The following DNAAF4 variants were observed in gnomAD, a reference collection of about 807,000 sequenced individuals.
DNAAF4 encodes the protein dynein axonemal assembly factor 4.
In DNAAF4, 43 loss-of-function variants were observed where a neutral mutation model predicts 51.8. The observed-to-expected ratio is 0.83, with a 90% CI of 0.65 to 1.07. DNAAF4 has a LOEUF of 1.07. DNAAF4 is among the 50% of genes least tolerant of loss of function. DNAAF4 has a pLI of 0.00. For synonymous variants in DNAAF4, 194 were observed against 165.6 expected (o/e 1.17, Z -1.32); for missense variants, 581 against 493.0 (o/e 1.18, Z -1.69).
chr15:55,461,447 C>G (rs1042272443), intron 5 of DNAAF4, among the ~76,000 whole-genome samples: 1 of 152,076 alleles, frequency 6.6e-6, no homozygotes, highest in African/African-American at 2.4e-5. Context: ...TCTCTAAGAC[C>G]ACAGTGGAAT....
At chr15:55,443,471 A>C (rs1185254425) in intron 6 of DNAAF4, 2 of 559,716 alleles carry the variant, frequency 3.6e-6, no homozygotes, top group African/African-American at 3.8e-5. Flanking sequence ...GGTTGGTTCC[A>C]AGTCTTTGCT....
chr15:55,481,361 G>C (rs561547790), intron 4 of DNAAF4, among the ~76,000 whole-genome samples: 1 of 152,268 alleles, frequency 6.6e-6, no homozygotes, highest in East Asian at 1.9e-4. Flanking sequence ...TGGGGCCCCT[G>C]GTCAAGGATA....
chr15:55,477,251 G>C (rs1445448035), intron 4 of DNAAF4, among the ~76,000 whole-genome samples: 1 of 152,064 alleles, frequency 6.6e-6, no homozygotes, highest in Non-Finnish European at 1.5e-5. Context: ...CCATGGAACT[G>C]TATACTTAAA....
chr15:55,434,035 AT>A (rs2057568511), intron 8 of DNAAF4, among the ~76,000 whole-genome samples: 1 of 101,398 alleles, frequency 9.9e-6, no homozygotes, highest in Non-Finnish European at 1.9e-5. Context: ...TATAATATAT[AT>A]TATATATATA....
intron 3 of DNAAF4, among the ~76,000 whole-genome samples, chr15:55,493,398 A>T (rs140509409): frequency 1.3e-5 from 2 of 152,344 alleles, no homozygotes; most frequent in African/African-American, 4.8e-5. Flanking sequence ...TTGGCTAAGA[A>T]CTAGTACTGA....
intron 7 of DNAAF4, among the ~76,000 whole-genome samples, chr15:55,424,755 G>T (rs1291157165): frequency 1.3e-5 from 2 of 152,028 alleles, no homozygotes; most frequent in Non-Finnish European, 2.9e-5. Flanking sequence ...TAGAGACAGG[G>T]TTTCACCATG....
chr15:55,498,976 G>A (rs1367173359), intron 1 of DNAAF4, among the ~76,000 whole-genome samples: 7 of 151,878 alleles, frequency 4.6e-5, no homozygotes, highest in African/African-American at 1.7e-4. Context: ...CTCATAATGC[G>A]ATAATGCTAA....
intron 4 of DNAAF4, among the ~76,000 whole-genome samples, chr15:55,482,502 C>G (rs896706923): frequency 6.6e-6 from 1 of 152,006 alleles, no homozygotes; most frequent in Admixed American, 6.6e-5. Context: ...CATGGCAAAA[C>G]CCCCTCTCTA....
intron 4 of DNAAF4, among the ~76,000 whole-genome samples, chr15:55,490,632 T>C (rs2058557698): frequency 2.0e-5 from 3 of 152,182 alleles, no homozygotes. Flanking sequence ...GTCCAACTTT[T>C]ACACCTTTGA....
chr15:55,466,801 A>T (rs963756340), intron 5 of DNAAF4, 129 bp downstream of exon 5: 1 of 1,099,694 alleles, frequency 9.1e-7, no homozygotes, highest in Non-Finnish European at 1.3e-6. Flanking sequence ...TAGTCTTTGT[A>T]CTGAATTGCT....
At chr15:55,491,968 T>C (rs1200018540) in intron 3 of DNAAF4, among the ~76,000 whole-genome samples, 1 of 151,370 alleles carries the variant, frequency 6.6e-6, no homozygotes, top group African/African-American at 2.4e-5. Flanking sequence ...GCAATCCTCC[T>C]ACCTCAGCTT....
intron 6 of DNAAF4, chr15:55,443,322 C>A (rs2057744229): frequency 9.6e-6 from 11 of 1,149,136 alleles, no homozygotes; most frequent in Non-Finnish European, 1.4e-5. Context: ...AAAGGGCCCC[C>A]AGCGTGCGGA....
chr15:55,508,038 C>A (rs984226226), intron 1 of DNAAF4, 84 bp downstream of exon 1: 2 of 152,016 alleles, frequency 1.3e-5, no homozygotes, highest in Non-Finnish European at 2.9e-5. Flanking sequence ...TTTTATCCAG[C>A]CTACCAGATA....
chr15:55,439,616 A>C lies in DNAAF4; in HGVS notation c.784-35T>G, dbSNP rs745910629. 18 of 1,567,102 alleles carry C rather than the reference A, an allele frequency of 1.1e-5. No individual in the cohort carries two copies. In the Admixed American group the frequency reaches 3.4e-4, roughly 29 times the overall value. Reference sequence around the variant, plus strand: ...GAAAGAAGTCTTATGAAGAATAAAAAGGTCTTTTTTTAATTAACATTTCCT... The same window carrying C: ...GAAAGAAGTCTTATGAAGAATAAAACGGTCTTTTTTTAATTAACATTTCCT... On this transcript the variant is annotated intron_variant, in intron 6 of 9. Transcript: ENST00000321149.
At chr15:55,462,747 T>C (rs1265934003) in intron 5 of DNAAF4, among the ~76,000 whole-genome samples, 2 of 151,916 alleles carry the variant, frequency 1.3e-5, no homozygotes, top group Non-Finnish European at 2.9e-5. Context: ...TAATACACCA[T>C]AATTAAGTGG....
Position 55,432,544 on chromosome 15 carries a change from T to TG in DNAAF4, c.1105dup (p.His369ProfsTer22). The TG allele has an allele frequency of 6.2e-7, 1 of 1,612,972 alleles. No homozygotes were observed. Among genetic ancestry groups the TG allele is most frequent in the Non-Finnish European group, 8.5e-7 (1 of 1,179,210 alleles). On this transcript the variant is annotated frameshift_variant, in exon 9 of 10. Coordinates refer to ENST00000321149, the MANE Select transcript of DNAAF4 (RefSeq NM_130810.4). LOFTEE classifies it high-confidence loss of function. ...ACAGAATGCTGTTCCACGTCGTACA[T>TG]GTGCCTTCATTCTTGCATTAGCATT...
intron 1 of DNAAF4, among the ~76,000 whole-genome samples, chr15:55,499,616 G>A (rs150804787): frequency 6.6e-6 from 1 of 152,228 alleles, no homozygotes; most frequent in Admixed American, 6.5e-5. Flanking sequence ...CCTATTAACT[G>A]TAAGGCCGCC....
rs772621215 is a variant in DNAAF4 at position 55,498,167 on chromosome 15, C to A, written c.123+40G>T. The A allele has an allele frequency of 5.6e-6, 9 of 1,613,876 alleles. No individual in the cohort carries two copies. The South Asian group carries it at 9.9e-5, about 18-fold the overall frequency. On this transcript the variant is annotated intron_variant, in intron 2 of 9. Transcript: ENST00000321149. ...CTGCGCTCTTGCAGAAGCTTCGGAC[C>A]ACACCCCCGGAGACCGGCAGGCAAG...
chr15:55,459,434 A>T (rs2058063274), intron 5 of DNAAF4, among the ~76,000 whole-genome samples: 1 of 152,180 alleles, frequency 6.6e-6, no homozygotes, highest in African/African-American at 2.4e-5. Context: ...CTATAAAACA[A>T]TAACACAATG....
Sources: gnomAD v4.1 joint callset for allele counts (sites outside exome capture counted in the v4.1 genomes callset) on GRCh38, gnomAD v4.1.1 for gene constraint, MANE v1.5 for transcripts, NCBI Gene and HGNC (gene_info 2026-07-23, HGNC 2026-07-21) for gene names.